The following TTLL3 variants were observed in gnomAD, a reference collection of about 807,000 sequenced individuals.
TTLL3 encodes tubulin tyrosine ligase like 3, also known as tubulin monoglycylase TTLL3.
In TTLL3, 63 loss-of-function variants were observed where a neutral mutation model predicts 75.2. That is an observed-to-expected ratio of 0.84 (90% confidence interval 0.68 to 1.03). The LOEUF is 1.03. TTLL3 is among the 50% of genes least tolerant of loss of function. The probability of loss-of-function intolerance (pLI) is 0.00; values close to 1 mark genes in which losing one functional copy is unlikely to be tolerated. For missense variants in TTLL3, 997 were observed against 1,069.9 expected, an observed-to-expected ratio of 0.93 and a Z score of 0.95; for synonymous variants, 393 against 418.5, an observed-to-expected ratio of 0.94 and a Z score of 0.74.
intron 5 of TTLL3, 27 bp from the exon 6 acceptor site, chr3:9,817,618 C>T (rs753607948): frequency 1.2e-6 from 2 of 1,613,610 alleles, no homozygotes; most frequent in Admixed American, 1.7e-5. Context: ...CAGTCCTGCC[C>T]TGCCCTCTCA....
chr3:9,833,316 C>A, intron 12 of TTLL3, 71 bp downstream of exon 12: 1 of 1,574,812 alleles, frequency 6.3e-7, no homozygotes, highest in East Asian at 2.3e-5. Context: ...GCCTGGGGCA[C>A]AGTGAGAAGC....
intron 2 of TTLL3, among the ~76,000 whole-genome samples, chr3:9,811,483 T>C (rs913030380): frequency 6.6e-6 from 1 of 152,222 alleles, no homozygotes; most frequent in Non-Finnish European, 1.5e-5. Context: ...TTCTCAACTC[T>C]AGCACCTTCT....
intron 5 of TTLL3, chr3:9,817,296 C>T (rs1338737647): frequency 2.8e-5 from 7 of 250,478 alleles, no homozygotes; most frequent in Non-Finnish European, 3.2e-5. Flanking sequence ...TGGTGTCGGG[C>T]GCCTGTAGTC....
At chr3:9,831,157 A>G (rs2081493279) in intron 11 of TTLL3, among the ~76,000 whole-genome samples, 1 of 145,514 alleles carries the variant, frequency 6.9e-6, no homozygotes, top group African/African-American at 2.6e-5. Context: ...GCCAGCACAT[A>G]GTAAAGGCTT....
chr3:9,818,632 T>G, intron 6 of TTLL3, 190 bp from the exon 7 acceptor site: 1 of 1,412,362 alleles, frequency 7.1e-7, no homozygotes, highest in Non-Finnish European at 9.2e-7. Context: ...CCTCCCAAAG[T>G]GCTGGGATTA....
In TTLL3 at chr3:9,835,156, G is replaced by C; in HGVS notation, c.2115G>C (p.Leu705Phe). 6.2e-7 allele frequency: 1 copy of C among 1,614,208 alleles called. No individual in the cohort carries two copies. The highest frequency in any genetic ancestry group is 8.5e-7 in the Non-Finnish European group (1 of 1,180,034). The change falls in exon 14 of 14, where the codon TTG becomes TTC. Residue 705 changes from leucine (L) to phenylalanine (F), a missense_variant. Coordinates refer to ENST00000685419, the MANE Select transcript of TTLL3 (RefSeq NM_001387446.1). ...QLEVPCCLCP[L>F]KSEQFLAPVG... ...AAGTGCCTTGTTGCCTCTGCCCTTT[G>C]AAGTCGGAACAATTCCTAGCACCTG...
In TTLL3 at chr3:9,818,429, C is replaced by T. The variant is rs1348322599; in HGVS notation, c.560-393C>T. 6 of 168,822 alleles carry T rather than the reference C, an allele frequency of 3.6e-5. 1 individual carries two copies. The highest frequency in any genetic ancestry group is 6.4e-5 in the Non-Finnish European group (5 of 78,572). 10.5% of individuals were successfully genotyped at this position (168,822 alleles called of 1,614,324 possible). A position where few individuals can be genotyped will look rare whatever the true frequency, so the allele number is the denominator to read the frequency against. On this transcript the variant is annotated intron_variant, in intron 6 of 13. Coordinates refer to ENST00000685419, the MANE Select transcript of TTLL3 (RefSeq NM_001387446.1). Reference sequence around the variant, plus strand: ...TGTCACCCAGGCTGGGGTGCAGTGGCGCGATCTTGGCTCACTGCAAGCTCC... The same window carrying T: ...TGTCACCCAGGCTGGGGTGCAGTGGTGCGATCTTGGCTCACTGCAAGCTCC...
At chr3:9,821,241 A>G (rs75916225) in intron 8 of TTLL3, among the ~76,000 whole-genome samples, 5,158 of 152,272 alleles carry the variant, frequency 0.034, 97 homozygotes, top group Non-Finnish European at 0.049. Context: ...ACACTTTGGA[A>G]GAAGGTTCTT....
intron 2 of TTLL3, among the ~76,000 whole-genome samples, chr3:9,812,423 G>A (rs922699032): frequency 2.6e-5 from 4 of 152,152 alleles, no homozygotes; most frequent in Non-Finnish European, 5.9e-5. Flanking sequence ...GCTGAGGCAG[G>A]AGAATCGCTC....
intron 11 of TTLL3, among the ~76,000 whole-genome samples, chr3:9,831,796 A>ATTTTTTTTT (rs35972221): frequency 8.1e-6 from 1 of 123,624 alleles, no homozygotes; most frequent in African/African-American, 3.0e-5. Flanking sequence ...TTTTTATTTG[A>ATTTTTTTTT]TTTTTTTTTT....
chr3:9,821,988 A>G (rs1419029622), intron 8 of TTLL3, among the ~76,000 whole-genome samples: 3 of 147,292 alleles, frequency 2.0e-5, no homozygotes, highest in Non-Finnish European at 3.0e-5. Context: ...GGGTGACAGA[A>G]TGAGACTCCG....
In TTLL3 at chr3:9,825,858, C is replaced by T; in HGVS notation, c.913C>T (p.Gln305Ter). The T allele has an allele frequency of 6.2e-7, 1 of 1,614,156 alleles. No individual in the cohort carries two copies. The highest frequency in any genetic ancestry group is 8.5e-7 in the Non-Finnish European group (1 of 1,180,016). The change falls in exon 9 of 14, where the codon CAG becomes TAG. Residue 305 changes from glutamine to a stop codon, truncating the protein, a stop_gained. Coordinates refer to ENST00000685419, the MANE Select transcript of TTLL3 (RefSeq NM_001387446.1). LOFTEE classifies it high-confidence loss of function. ...GGTCCAGCGCTGTGAGGACATCCTG[C>T]AGCAGCTGCAGGCCGTGGTACCCCA... ...TQVQRCEDILQQLQAVVPQID... is the reference protein window; with the variant it reads ...TQVQRCEDIL
Position 9,812,947 on chromosome 3 carries a change from A to G in TTLL3, c.53A>G (p.Lys18Arg). 2 of 1,501,214 alleles carry G rather than the reference A, an allele frequency of 1.3e-6. No individual in the cohort carries two copies. The highest frequency in any genetic ancestry group is 1.8e-6 in the Non-Finnish European group (2 of 1,122,786). 93.0% of individuals were successfully genotyped at this position (1,501,214 alleles called of 1,614,324 possible). The change falls in exon 3 of 14, where the codon AAG becomes AGG. Residue 18 changes from lysine (K) to arginine (R), a missense_variant. Lys to Arg is a conservative substitution (Grantham distance 26, BLOSUM62 2). Coordinates refer to ENST00000685419, the MANE Select transcript of TTLL3 (RefSeq NM_001387446.1). ...TATCCTTCTCTCACATTGCAGCAGA[A>G]GAAGATCTTTACAATCCAAGGCTGC... ...KIYVERAVKQ[K>R]KIFTIQGCYP... is the part of the protein sequence containing the mutation.
chr3:9,827,325 CGCGCAGCAGCGCT>C, intron 10 of TTLL3, 85 bp downstream of exon 10: 1 of 1,556,404 alleles, frequency 6.4e-7, no homozygotes, highest in Non-Finnish European at 8.7e-7. Context: ...GCAGGGGACT[CGCGCAGCAGCGCT>C]AGGCTCCACA....
Position 9,833,261 on chromosome 3 carries a change from C to T in TTLL3, c.1825+16C>T. 6.2e-7 allele frequency: 1 copy of T among 1,613,166 alleles called. No individual in the cohort carries two copies. Among genetic ancestry groups the T allele is most frequent in the Non-Finnish European group, 8.5e-7 (1 of 1,179,788 alleles). On this transcript the variant is annotated intron_variant, in intron 12 of 13. Transcript: ENST00000685419. ...TCTGGGGAAGGCAAGGACTCGGGGA[C>T]CCCTACCCACAGGTCAGCTTCTAGG... is the stretch of plus-strand genomic sequence containing the variant.
chr3:9,819,061 CATCT>C (rs1575376581), intron 7 of TTLL3, 141 bp downstream of exon 7: 4 of 1,066,790 alleles, frequency 3.7e-6, no homozygotes, highest in Admixed American at 2.2e-5. Flanking sequence ...CACATCTACC[CATCT>C]ATCCATCCAT....
chr3:9,826,893 A>G (rs12490900), intron 9 of TTLL3, 104 bp from the exon 10 acceptor site: 1,036,372 of 1,556,318 alleles, frequency 0.67, 356,142 homozygotes, highest in Non-Finnish European at 0.71. Context: ...AGCCTTACCC[A>G]CTCAGCCCTA....
At position 9,835,380 on chromosome 3, in the gene TTLL3, C is replaced by G; in HGVS notation, c.2339C>G (p.Pro780Arg). The change falls in exon 14 of 14, where the codon CCA (proline) becomes CGA (arginine). Residue 780 changes from proline (P) to arginine (R), a missense_variant. By Grantham distance (103) the Pro-to-Arg change is moderately radical. Coordinates refer to ENST00000685419, the MANE Select transcript of TTLL3 (RefSeq NM_001387446.1). ...FPTALVLDPT[P>R]NKKKQVKYLG... ...ACTGCCCTTGTCCTGGATCCAACAC[C>G]AAATAAAAAGAAACAAGTGAAGTAT... is the stretch of plus-strand genomic sequence containing the variant. 1 of 1,614,022 alleles carries G rather than the reference C, an allele frequency of 6.2e-7. No individual in the cohort carries two copies. The highest frequency in any genetic ancestry group is 2.2e-5 in the East Asian group (1 of 44,878).
In TTLL3 at chr3:9,810,310, C is replaced by A; in HGVS notation, c.-126C>A. On this transcript the variant is annotated 5_prime_UTR_variant, in exon 1 of 14. Transcript: ENST00000685419. The surrounding 1 kb of genome is among the most constrained non-coding windows in gnomAD (Gnocchi z 4.4). Reference sequence around the variant, plus strand: ...CAGCGGCGCCTTCAAGACGCTGGTCCCAGGCACCCACGCCCAGGGCGCCTC... The same window carrying A: ...CAGCGGCGCCTTCAAGACGCTGGTCACAGGCACCCACGCCCAGGGCGCCTC... The A allele has an allele frequency of 6.7e-7, 1 of 1,486,228 alleles. No individual in the cohort carries two copies. The highest frequency in any genetic ancestry group is 8.8e-7 in the Non-Finnish European group (1 of 1,130,168). 92.1% of individuals were successfully genotyped at this position (1,486,228 alleles called of 1,614,324 possible).
Sources: allele counts gnomAD v4.1 joint callset (sites outside exome capture counted in the v4.1 genomes callset), GRCh38; gene constraint gnomAD v4.1.1; non-coding constraint Gnocchi (gnomAD v3.1); transcripts MANE v1.5; gene names NCBI Gene and HGNC (gene_info 2026-07-23, HGNC 2026-07-21).